Variants in TRIM13 observed in about 807,000 individuals in gnomAD.
TRIM13 encodes E3 ubiquitin-protein ligase TRIM13.
TRIM13 carries 15 observed loss-of-function variants against 27.1 expected under a neutral mutation model. The ratio of observed to expected loss-of-function variants is 0.55; its 90% CI spans 0.37 to 0.85. The LOEUF is 0.85. Ranked by LOEUF, TRIM13 falls within the 40% of genes least tolerant of loss-of-function variation. The pLI is 0.00. For synonymous variants in TRIM13, 193 were observed against 171.5 expected (o/e 1.13, Z -0.98); for missense variants, 402 against 472.2 (o/e 0.85, Z 1.38).
intron 1 of TRIM13, among the ~76,000 whole-genome samples, chr13:50,005,472 G>A (rs955247115): frequency 6.6e-6 from 1 of 151,820 alleles, no homozygotes; most frequent in African/African-American, 2.4e-5. Context: ...TCAGGAGTTC[G>A]AGATCAGCCT....
Position 50,014,360 on chromosome 13 carries a change from T to TATATATATATATATATATATATATGTAC in TRIM13, c.*1197_*1198insTATATATATATATATATATATATGTACA, listed in dbSNP as rs879170111. The TATATATATATATATATATATATATGTAC allele has an allele frequency of 1.7e-5, 1 of 58,564 alleles. No homozygotes were observed. Among genetic ancestry groups the TATATATATATATATATATATATATGTAC allele is most frequent in the African/African-American group, 7.1e-5 (1 of 13,994 alleles). 3.6% of individuals were successfully genotyped at this position (58,564 alleles called of 1,614,324 possible). A position where few individuals can be genotyped will look rare whatever the true frequency, so the allele number is the denominator to read the frequency against. On this transcript the variant is annotated 3_prime_UTR_variant, in exon 2 of 2. Coordinates refer to ENST00000378182, the MANE Select transcript of TRIM13 (RefSeq NM_213590.3). ...AAAAAAAAAAATATATATATATATA[T>TATATATATATATATATATATATATGTAC]ACACACACACACACACATATGTACA...
intron 1 of TRIM13, among the ~76,000 whole-genome samples, chr13:50,003,432 T>C (rs1874298928): frequency 6.6e-6 from 1 of 152,196 alleles, no homozygotes; most frequent in East Asian, 1.9e-4. Flanking sequence ...TTTAAAACCT[T>C]AGTAGGAAAG....
chr13:50,015,127 A>G lies in TRIM13; in HGVS notation c.*1963A>G, dbSNP rs200803754. 1.4e-5 allele frequency: 1 copy of G among 73,830 alleles called. No homozygotes were observed. Among genetic ancestry groups the G allele is most frequent in the Non-Finnish European group, 2.8e-5 (1 of 36,030 alleles). 4.6% of individuals were successfully genotyped at this position (73,830 alleles called of 1,614,324 possible). A position where few individuals can be genotyped will look rare whatever the true frequency, so the allele number is the denominator to read the frequency against. ...TATATATATATATATATATATATATATATATATATATATATATATATATAG... is the reference window on the plus strand; with the variant it reads ...TATATATATATATATATATATATATGTATATATATATATATATATATATAG... On this transcript the variant is annotated 3_prime_UTR_variant, in exon 2 of 2. Coordinates refer to ENST00000378182, the MANE Select transcript of TRIM13 (RefSeq NM_213590.3).
Position 50,007,276 on chromosome 13 carries a change from G to A in TRIM13, c.-6-4659G>A, listed in dbSNP as rs1346009236. 3.3e-5 allele frequency among the ~76,000 whole-genome samples: 5 copies of A among 151,546 alleles called. No homozygotes were observed. The East Asian group carries it at 9.7e-4, about 30-fold the overall frequency. On this transcript the variant is annotated intron_variant, in intron 1 of 1. Transcript: ENST00000378182. ...GAGGCTGAGGCAGGTGGATCATGAGGTCAGGAGTTCAAGACCAGCCTGTCC... is the reference window on the plus strand; with the variant it reads ...GAGGCTGAGGCAGGTGGATCATGAGATCAGGAGTTCAAGACCAGCCTGTCC...
intron 1 of TRIM13, among the ~76,000 whole-genome samples, chr13:50,009,119 TCAC>T (rs1249451290): frequency 4.8e-5 from 3 of 62,244 alleles, no homozygotes; most frequent in Non-Finnish European, 1.7e-4. Flanking sequence ...TAAAAAATAC[TCAC>T]GTAAAATAAC....
rs1458881451 is a variant in TRIM13 at position 50,017,189 on chromosome 13, C to T, written c.*4025C>T. On this transcript the variant is annotated 3_prime_UTR_variant, in exon 2 of 2. Coordinates refer to ENST00000378182, the MANE Select transcript of TRIM13 (RefSeq NM_213590.3). Reference sequence around the variant, plus strand: ...CAACTTTATTTTCATTGATGGGATACTTTAACAAAAATGAAATTTTTTTTG... The same window carrying T: ...CAACTTTATTTTCATTGATGGGATATTTTAACAAAAATGAAATTTTTTTTG... 1.8e-5 allele frequency: 3 copies of T among 166,904 alleles called. No individual in the cohort carries two copies. Among genetic ancestry groups the T allele is most frequent in the Non-Finnish European group, 4.4e-5 (3 of 68,064 alleles). 10.3% of individuals were successfully genotyped at this position (166,904 alleles called of 1,614,324 possible).
intron 1 of TRIM13, among the ~76,000 whole-genome samples, chr13:49,998,019 T>C (rs1594548633): frequency 6.6e-6 from 1 of 152,182 alleles, no homozygotes; most frequent in Admixed American, 6.6e-5. Flanking sequence ...TTCCACACTT[T>C]TTTCCTACTT....
Position 50,012,601 on chromosome 13 carries a change from A to C in TRIM13, c.661A>C (p.Lys221Gln), listed in dbSNP as rs774043722. The change falls in exon 2 of 2, where the codon AAA becomes CAA. Residue 221 changes from lysine (K) to glutamine (Q), a missense_variant. Physicochemically the swap from Lys to Gln is moderately conservative, Grantham distance 53. Transcript: ENST00000378182. ...GCAAGCATATGACCCAGAGATCAACAAACTCAACACCATCTTGCAGGAGCA... is the reference window on the plus strand; with the variant it reads ...GCAAGCATATGACCCAGAGATCAACCAACTCAACACCATCTTGCAGGAGCA... ...VMQAYDPEIN[K>Q]LNTILQEQRM... The C allele has an allele frequency of 3.1e-6, 5 of 1,614,066 alleles. No individual in the cohort carries two copies. In the African/African-American group the frequency reaches 6.7e-5, roughly 22 times the overall value.
rs1220751179 is a variant in TRIM13, at chr13:50,016,085, T to C, written c.*2921T>C. On this transcript the variant is annotated 3_prime_UTR_variant, in exon 2 of 2. Coordinates refer to ENST00000378182, the MANE Select transcript of TRIM13 (RefSeq NM_213590.3). ...AACTGGAGTCAGGTATTTTGTACTT[T>C]GCAGTATTTCTCTTGTATACCAGTT... 3.1e-6 allele frequency: 5 copies of C among 1,596,230 alleles called. No individual in the cohort carries two copies. Among genetic ancestry groups the C allele is most frequent in the Admixed American group, 3.4e-5 (2 of 59,582 alleles).
At chr13:50,004,321 A>G (rs1193562930) in intron 1 of TRIM13, among the ~76,000 whole-genome samples, 3 of 152,084 alleles carry the variant, frequency 2.0e-5, no homozygotes, top group Admixed American at 1.3e-4. Flanking sequence ...TTAACTGGGA[A>G]TGGTAGCATG....
intron 1 of TRIM13, among the ~76,000 whole-genome samples, chr13:50,004,040 C>A (rs1303403675): frequency 6.6e-6 from 1 of 152,152 alleles, no homozygotes; most frequent in Non-Finnish European, 1.5e-5. Flanking sequence ...CAGAAATATT[C>A]AAAGGAAGAG....
At position 50,014,808 on chromosome 13, in the gene TRIM13, C is replaced by G. The variant is rs1876170852; in HGVS notation, c.*1644C>G. The G allele has an allele frequency of 6.0e-6, 1 of 166,412 alleles. No homozygotes were observed. The highest frequency in any genetic ancestry group is 1.9e-4 in the East Asian group (1 of 5,142). 10.3% of individuals were successfully genotyped at this position (166,412 alleles called of 1,614,324 possible). A position where few individuals can be genotyped will look rare whatever the true frequency, so the allele number is the denominator to read the frequency against. On this transcript the variant is annotated 3_prime_UTR_variant, in exon 2 of 2. Coordinates refer to ENST00000378182, the MANE Select transcript of TRIM13 (RefSeq NM_213590.3). ...AAAATAAGAGTTCTTTACCTCAGTC[C>G]TCCTCTAATTTGGTTGAGAGGAGGT...
chr13:50,010,706 C>CT (rs1875522603), intron 1 of TRIM13, among the ~76,000 whole-genome samples: 1 of 152,134 alleles, frequency 6.6e-6, no homozygotes, highest in Non-Finnish European at 1.5e-5. Context: ...AAAACCCAGC[C>CT]TTTTCATTAG....
chr13:50,004,454 T>C (rs1874418674), intron 1 of TRIM13, among the ~76,000 whole-genome samples: 1 of 151,820 alleles, frequency 6.6e-6, no homozygotes, highest in Admixed American at 6.6e-5. Flanking sequence ...AACAGAGTGA[T>C]ACTCCCTCAA....
chr13:49,998,481 AC>A (rs761038769), intron 1 of TRIM13, among the ~76,000 whole-genome samples: 3 of 152,222 alleles, frequency 2.0e-5, no homozygotes, highest in Non-Finnish European at 2.9e-5. Flanking sequence ...CTTGCTTGAT[AC>A]ACTGATGCTC....
In TRIM13 at chr13:50,002,989, GGT is replaced by G. The variant is rs910597492; in HGVS notation, c.-7+5228_-7+5229del. On this transcript the variant is annotated intron_variant, in intron 1 of 1. Coordinates refer to ENST00000378182, the MANE Select transcript of TRIM13 (RefSeq NM_213590.3). The stretch of plus-strand genomic sequence containing the variant: ...TGGATCTCATACTACAGTATAGTAA[GGT>G]GCAGTGGCTCATGCCTGTAGTCCCA... Among the ~76,000 whole-genome samples the G allele has an allele frequency of 2.0e-5, 3 of 152,114 alleles. No homozygotes were observed. In the East Asian group the frequency reaches 5.8e-4, roughly 29 times the overall value.
In TRIM13 at chr13:50,009,320, G is replaced by A. The variant is rs188301113; in HGVS notation, c.-6-2615G>A. On this transcript the variant is annotated intron_variant, in intron 1 of 1. Transcript: ENST00000378182. ...ATATATTATTTTGGTTGAAATAAACGAAGAAGGCTGGGTGTGGTGGCTCAT... is the reference window on the plus strand; with the variant it reads ...ATATATTATTTTGGTTGAAATAAACAAAGAAGGCTGGGTGTGGTGGCTCAT... 3.3e-5 allele frequency among the ~76,000 whole-genome samples: 5 copies of A among 152,230 alleles called. No individual in the cohort carries two copies. The East Asian group carries it at 7.7e-4, about 24-fold the overall frequency.
intron 1 of TRIM13, among the ~76,000 whole-genome samples, chr13:50,008,647 G>T (rs976914090): frequency 1.3e-5 from 2 of 151,886 alleles, no homozygotes; most frequent in Non-Finnish European, 2.9e-5. Context: ...CTCAAAATAA[G>T]AATTAAAAAT....
chr13:50,012,466 A>G lies in TRIM13; in HGVS notation c.526A>G (p.Thr176Ala). The change falls in exon 2 of 2, where the codon ACT becomes GCT. Residue 176 changes from threonine (T) to alanine (A), a missense_variant. Physicochemically the swap from Thr to Ala is moderately conservative, Grantham distance 58. This residue lies in a region of TRIM13 where 202 missense variants were observed against 277.5 expected (regional missense o/e 0.73). Transcript: ENST00000378182. ...TSKRKSLQLL[T>A]KDSDKVKEFF... ...TAAGAGGAAATCCCTACAGTTACTG[A>G]CTAAAGATTCAGATAAAGTGAAGGA... The G allele has an allele frequency of 6.2e-7, 1 of 1,614,052 alleles. No homozygotes were observed. The highest frequency in any genetic ancestry group is 1.6e-4 in the Middle Eastern group (1 of 6,062).
Sources: gnomAD v4.1 joint callset for allele counts (sites outside exome capture counted in the v4.1 genomes callset) on GRCh38, gnomAD v4.1.1 for gene constraint, gnomAD v4.1.1 regional missense constraint, MANE v1.5 for transcripts, NCBI Gene and HGNC (gene_info 2026-07-23, HGNC 2026-07-21) for gene names.